The following ARID1B variants were observed in gnomAD, a reference collection of about 807,000 sequenced individuals.
ARID1B encodes AT-rich interactive domain-containing protein 1B.
ARID1B carries 30 observed loss-of-function variants against 212.3 expected under a neutral mutation model. The observed-to-expected ratio is 0.14, with a 90% CI of 0.11 to 0.19. The LOEUF (loss-of-function observed/expected upper bound fraction) is 0.19. Among genes scored for constraint, ARID1B ranks in the 10% least tolerant of loss-of-function variants. The pLI is 1.00. For synonymous variants in ARID1B, 1,402 were observed against 1,301.7 expected (o/e 1.08, Z -1.66); for missense variants, 2,891 against 3,204.0 (o/e 0.90, Z 2.36).
intron 2 of ARID1B, among the ~76,000 whole-genome samples, chr6:156,855,817 C>T (rs767377841): frequency 5.9e-5 from 9 of 152,124 alleles, no homozygotes; most frequent in Non-Finnish European, 8.8e-5. Context: ...GAGAAATTAG[C>T]TCTGGAATCT....
intron 2 of ARID1B, among the ~76,000 whole-genome samples, chr6:156,865,287 C>T (rs535378882): frequency 6.6e-6 from 1 of 152,286 alleles, no homozygotes; most frequent in Non-Finnish European, 1.5e-5. Context: ...TAAGATCTCA[C>T]ATGTCTGAAA....
intron 6 of ARID1B, among the ~76,000 whole-genome samples, chr6:157,131,605 C>G (rs1788553195): frequency 1.3e-5 from 2 of 152,200 alleles, no homozygotes; most frequent in African/African-American, 4.8e-5. Context: ...GGGAGAAAGG[C>G]AGCAGCCAGA....
At chr6:157,099,838 G>A (rs76576698) in intron 5 of ARID1B, among the ~76,000 whole-genome samples, 8,331 of 152,252 alleles carry the variant, frequency 0.055, 346 homozygotes, top group Non-Finnish European at 0.086. Flanking sequence ...ATGGCCCTGT[G>A]AACGGTGCGT....
chr6:157,141,757 T>G (rs1005046793), intron 7 of ARID1B, among the ~76,000 whole-genome samples: 2 of 152,210 alleles, frequency 1.3e-5, no homozygotes, highest in African/African-American at 4.8e-5. Flanking sequence ...TATTACATAC[T>G]GATTCGAATG....
Position 156,976,881 on chromosome 6 carries a change from G to A in ARID1B, c.2247+41305G>A, listed in dbSNP as rs769632196. On this transcript the variant is annotated intron_variant, in intron 4 of 19. Coordinates refer to ENST00000636930, the MANE Select transcript of ARID1B (RefSeq NM_001374828.1). ...GAAAATTGTTGTGAACCTCACAGGC[G>A]GGCTAAACAAGTGTGGAGTGATCAG... 19 of 575,148 alleles carry A rather than the reference G, an allele frequency of 3.3e-5. 1 individual carries two copies. The highest frequency in any genetic ancestry group is 5.6e-5 in the African/African-American group (3 of 53,230). 35.6% of individuals were successfully genotyped at this position (575,148 alleles called of 1,614,324 possible).
At chr6:156,958,114 A>G (rs1423486536) in intron 4 of ARID1B, among the ~76,000 whole-genome samples, 1 of 152,200 alleles carries the variant, frequency 6.6e-6, no homozygotes, top group Admixed American at 6.5e-5. Flanking sequence ...CTTGTTGTCC[A>G]CATCCATCCC....
intron 4 of ARID1B, among the ~76,000 whole-genome samples, chr6:156,997,583 A>AT (rs1351207331): frequency 6.6e-6 from 1 of 152,108 alleles, no homozygotes; most frequent in East Asian, 1.9e-4. Flanking sequence ...GAAGTAACAG[A>AT]TGTAGAGAAA....
chr6:156,798,887 G>A (rs1301477174), intron 1 of ARID1B, among the ~76,000 whole-genome samples: 1 of 152,168 alleles, frequency 6.6e-6, no homozygotes, highest in East Asian at 1.9e-4. Flanking sequence ...GAAACCTTAT[G>A]TTTGAGAGCT....
chr6:157,200,922 T>C lies in ARID1B; in HGVS notation c.4697T>C (p.Ile1566Thr). 6.2e-7 allele frequency: 1 copy of C among 1,613,692 alleles called. No individual in the cohort carries two copies. Among genetic ancestry groups the C allele is most frequent in the South Asian group, 1.1e-5 (1 of 91,056 alleles). The part of the protein sequence containing the change: ...QGPGQIQTHG[I>T]PPQMMGGPLQ... ...CCGGGGCAGATCCAGACACACGGAA[T>C]CCCGCCTCAGATGATGGGCGGCCCG... is the stretch of plus-strand genomic sequence containing the variant. The change falls in exon 18 of 20, where the codon ATC becomes ACC. Residue 1566 changes from isoleucine to threonine, a missense_variant. Around this residue, in one of 7 missense-constraint regions of ARID1B, gnomAD observed 666 missense variants for 873.5 expected, o/e 0.76. Transcript: ENST00000636930. This position sits in a 1 kb window ranked among gnomAD's most constrained non-coding sequence, Gnocchi z 4.3.
At chr6:157,189,834 G>C in intron 14 of ARID1B, 54 bp downstream of exon 14, 1 of 1,608,948 alleles carries the variant, frequency 6.2e-7, no homozygotes, top group South Asian at 1.1e-5. Context: ...TCATCTTTTA[G>C]TTTTCTGGGG....
intron 2 of ARID1B, among the ~76,000 whole-genome samples, chr6:156,872,224 G>A (rs1786190476): frequency 6.6e-6 from 1 of 152,154 alleles, no homozygotes; most frequent in Non-Finnish European, 1.5e-5. Flanking sequence ...ATGTGTAAAA[G>A]CAGGTTGCCT....
intron 8 of ARID1B, among the ~76,000 whole-genome samples, chr6:157,158,664 T>C (rs1019268328): frequency 6.6e-6 from 1 of 152,184 alleles, no homozygotes. Context: ...TCCACTCTGC[T>C]TCTGTGGCTC....
intron 4 of ARID1B, among the ~76,000 whole-genome samples, chr6:156,960,078 G>A (rs1049644196): frequency 1.1e-4 from 16 of 151,804 alleles, no homozygotes; most frequent in African/African-American, 2.9e-4. Flanking sequence ...TTACAGGCAC[G>A]CACCACCATG....
chr6:156,910,054 C>T (rs1003966479), intron 3 of ARID1B, among the ~76,000 whole-genome samples: 8 of 152,290 alleles, frequency 5.3e-5, no homozygotes, highest in African/African-American at 1.4e-4. Context: ...GGTTGTTACC[C>T]GTCATTTCTG....
At chr6:157,013,071 G>A (rs996523646) in intron 4 of ARID1B, among the ~76,000 whole-genome samples, 2 of 152,132 alleles carry the variant, frequency 1.3e-5, no homozygotes, top group Non-Finnish European at 1.5e-5. Context: ...TAGGGACGGG[G>A]TTTCTCCATG....
chr6:156,854,570 A>C (rs1437209921), intron 2 of ARID1B, among the ~76,000 whole-genome samples: 1 of 152,182 alleles, frequency 6.6e-6, no homozygotes, highest in Non-Finnish European at 1.5e-5. Flanking sequence ...CAGCTTTCAA[A>C]ATTGACAAAA....
chr6:157,078,861 T>C (rs1784459448), intron 4 of ARID1B, among the ~76,000 whole-genome samples: 1 of 152,242 alleles, frequency 6.6e-6, no homozygotes. Context: ...ATGGAATCTT[T>C]GCCTGAGAAA....
chr6:156,875,207 A>G (rs1426280258), intron 2 of ARID1B, among the ~76,000 whole-genome samples: 2 of 152,142 alleles, frequency 1.3e-5, no homozygotes, highest in East Asian at 1.9e-4. Context: ...ACACTGCCAT[A>G]TGTTGTGTAG....
chr6:156,984,581 TG>T (rs1488541338), intron 4 of ARID1B: 2 of 152,192 alleles, frequency 1.3e-5, no homozygotes, highest in East Asian at 3.9e-4. Context: ...AAGTGCTGGG[TG>T]TGGGGTAGTG....
Sources: gnomAD v4.1 joint callset for allele counts (sites outside exome capture counted in the v4.1 genomes callset) on GRCh38, gnomAD v4.1.1 for gene constraint, gnomAD v4.1.1 regional missense constraint, Gnocchi (gnomAD v3.1) non-coding constraint, MANE v1.5 for transcripts, NCBI Gene and HGNC (gene_info 2026-07-23, HGNC 2026-07-21) for gene names.